Variants in CCDC136 observed in about 807,000 individuals in gnomAD.
CCDC136 encodes coiled-coil domain containing 136.
CCDC136 carries 100 observed loss-of-function variants against 141.2 expected under a neutral mutation model. The observed-to-expected ratio is 0.71, with a 90% confidence interval of 0.60 to 0.84. CCDC136 has a LOEUF of 0.84. CCDC136 is among the 40% of genes least tolerant of loss of function. The pLI is 0.00. For synonymous variants in CCDC136, 474 were observed against 531.9 expected (o/e 0.89, Z 1.50); for missense variants, 1,206 against 1,379.4 (o/e 0.87, Z 1.99).
intron 12 of CCDC136, among the ~76,000 whole-genome samples, chr7:128,810,925 G>T (rs945596830): frequency 3.3e-5 from 5 of 152,170 alleles, no homozygotes; most frequent in Non-Finnish European, 7.3e-5. Context: ...AACAGAGCAA[G>T]GTCACAGGGG....
chr7:128,811,959 C>T lies in CCDC136; in HGVS notation c.2188C>T (p.Leu730Phe), dbSNP rs1266212587. 4 of 1,613,984 alleles carry T rather than the reference C, an allele frequency of 2.5e-6. No homozygotes were observed. The highest frequency in any genetic ancestry group is 1.1e-5 in the South Asian group (1 of 91,076). ...LQLCLEEMQL[L>F]QVQSPSIKMS... ...GCTCTGCCTGGAAGAAATGCAGCTG[C>T]TTCAAGTCCAGTCCCCTTCTATAAA... Residue 730 changes from leucine (L) to phenylalanine (F), a missense_variant, in exon 13 of 18, where the codon CTT becomes TTT. Coordinates refer to ENST00000297788, the MANE Select transcript of CCDC136 (RefSeq NM_022742.5).
chr7:128,797,080 A>G (rs1017721157), intron 3 of CCDC136, among the ~76,000 whole-genome samples: 3 of 152,156 alleles, frequency 2.0e-5, no homozygotes, highest in African/African-American at 7.2e-5. Context: ...GGATTTGCTA[A>G]TGAATTCGAT....
At chr7:128,811,239 A>G (rs1337158584) in intron 12 of CCDC136, 2 of 453,602 alleles carry the variant, frequency 4.4e-6, no homozygotes, top group East Asian at 7.0e-5. Flanking sequence ...AACCAGGTAT[A>G]AAATATTTCC....
upstream of CCDC136, chr7:128,791,440 G>A (rs1438831834): frequency 7.9e-7 from 1 of 1,268,950 alleles, no homozygotes; most frequent in African/African-American, 1.6e-5. The surrounding 1 kb of genome is among the most constrained non-coding windows in gnomAD (Gnocchi z 7.1). Context: ...GGGTCCCCGG[G>A]CTCGCGGCTG....
chr7:128,811,179 T>C, intron 12 of CCDC136: 1 of 404,254 alleles, frequency 2.5e-6, no homozygotes, highest in South Asian at 1.8e-5. Flanking sequence ...CTGGATCATA[T>C]TCCAGGGGCA....
chr7:128,793,445 A>G (rs1398880944), intron 1 of CCDC136, among the ~76,000 whole-genome samples: 6 of 152,200 alleles, frequency 3.9e-5, no homozygotes, highest in African/African-American at 1.4e-4. Context: ...AGAAAATTTC[A>G]AACAGGTATT....
intron 1 of CCDC136, among the ~76,000 whole-genome samples, chr7:128,792,947 A>G (rs1006233408): frequency 6.6e-6 from 1 of 152,126 alleles, no homozygotes; most frequent in Non-Finnish European, 1.5e-5. Context: ...TCCCCACCAC[A>G]CCCATGTGAC....
rs35342890 is a variant in CCDC136 at position 128,799,172 on chromosome 7, TAAAA to T, written c.347-1992_347-1989del. ...CAGAAAGAGACCCCCATCTCTACAT[TAAAA>T]AAAAAAAAAAAAAAAAAAAAAGCAG... On this transcript the variant is annotated intron_variant, in intron 3 of 17. Transcript: ENST00000297788. Among the ~76,000 whole-genome samples the T allele has an allele frequency of 9.7e-5, 5 of 51,324 alleles. No individual in the cohort carries two copies. In the South Asian group the frequency reaches 2.1e-3, roughly 22 times the overall value. The allele number at this position is 51,324 out of a possible 152,430, so 33.7% of individuals were successfully genotyped here.
chr7:128,813,476 T>C lies in CCDC136; in HGVS notation c.2763+547T>C, dbSNP rs139600647. 7.9e-5 allele frequency among the ~76,000 whole-genome samples: 12 copies of C among 152,210 alleles called. 1 individual carries two copies. In the East Asian group the frequency reaches 2.3e-3, roughly 29 times the overall value. On this transcript the variant is annotated intron_variant, in intron 14 of 17. Coordinates refer to ENST00000297788, the MANE Select transcript of CCDC136 (RefSeq NM_022742.5). ...AGAGCAGCGAACACATGGGTCCAGA[T>C]TGGCTAGTATTGGTACCTACTGAGG... is the stretch of plus-strand genomic sequence containing the variant.
chr7:128,807,537 G>GTT lies in CCDC136; in HGVS notation c.1597_1598insTT (p.Ala533ValfsTer12). On this transcript the variant is annotated frameshift_variant, in exon 10 of 18. Coordinates refer to ENST00000297788, the MANE Select transcript of CCDC136 (RefSeq NM_022742.5). LOFTEE classifies it high-confidence loss of function. ...CATTCCGGAGGACAAAGGAAAGTGT[G>GTT]CTAATAAGGTAATTGTCGTTCAGAG... is the stretch of plus-strand genomic sequence containing the variant. The GTT allele has an allele frequency of 6.9e-7, 1 of 1,444,494 alleles. No individual in the cohort carries two copies. The highest frequency in any genetic ancestry group is 9.2e-7 in the Non-Finnish European group (1 of 1,087,232). 89.5% of individuals were successfully genotyped at this position (1,444,494 alleles called of 1,614,324 possible).
In CCDC136 at chr7:128,805,968, C is replaced by A; in HGVS notation, c.1089+67C>A. 6.4e-7 allele frequency: 1 copy of A among 1,574,610 alleles called. No individual in the cohort carries two copies. ...GGCCTCATGGAGGGGCTGCTTCAAC[C>A]GGGGTGGGCACAGTGAGTATGGCTG... On this transcript the variant is annotated intron_variant, in intron 7 of 17. Transcript: ENST00000297788. The surrounding 1 kb of genome is among the most constrained non-coding windows in gnomAD (Gnocchi z 4.6).
At chr7:128,793,067 C>G (rs1431179806) in intron 1 of CCDC136, among the ~76,000 whole-genome samples, 1 of 152,232 alleles carries the variant, frequency 6.6e-6, no homozygotes, top group Non-Finnish European at 1.5e-5. Flanking sequence ...CCTGCTCCCC[C>G]TAAGGGGGAC....
chr7:128,805,315 G>C lies in CCDC136; in HGVS notation c.783-44G>C. 1 of 1,583,946 alleles carries C rather than the reference G, an allele frequency of 6.3e-7. No homozygotes were observed. Among genetic ancestry groups the C allele is most frequent in the Non-Finnish European group, 8.6e-7 (1 of 1,156,572 alleles). On this transcript the variant is annotated intron_variant, in intron 5 of 17. Transcript: ENST00000297788. The surrounding 1 kb of genome is among the most constrained non-coding windows in gnomAD (Gnocchi z 4.6). ...AAAGCCTGCATGGCTGGTGATGCCA[G>C]GCAGAACTCCCTTCAAGCATAGCTC...
Position 128,821,682 on chromosome 7 carries a change from A to AC in CCDC136, c.*6-116dup. 2.8e-6 allele frequency: 2 copies of AC among 718,940 alleles called. No homozygotes were observed. Among genetic ancestry groups the AC allele is most frequent in the Non-Finnish European group, 4.1e-6 (2 of 484,044 alleles). The allele number at this position is 718,940 out of a possible 1,614,324, so 44.5% of individuals were successfully genotyped here. ...ACCTCCACCGGTTACCCAGGAGGTA[A>AC]CAGAGACTGATCCACAATGTTCCTG... On this transcript the variant is annotated intron_variant, in intron 17 of 17. Transcript: ENST00000297788. This position sits in a 1 kb window ranked among gnomAD's most constrained non-coding sequence, Gnocchi z 5.1.
At chr7:128,804,065 C>G (rs938528515) in intron 4 of CCDC136, among the ~76,000 whole-genome samples, 7 of 152,314 alleles carry the variant, frequency 4.6e-5, no homozygotes, top group African/African-American at 1.7e-4. Context: ...ATCTGCCCAC[C>G]TCGGCCTCCC....
intron 3 of CCDC136, among the ~76,000 whole-genome samples, chr7:128,799,004 T>G (rs1306271664): frequency 1.3e-5 from 2 of 151,792 alleles, no homozygotes; most frequent in African/African-American, 4.8e-5. Flanking sequence ...CAAATTTGTC[T>G]TCTTTGAAAG....
At position 128,806,722 on chromosome 7, in the gene CCDC136, A is replaced by G. The variant is rs769024671; in HGVS notation, c.1283A>G (p.Gln428Arg). 17 of 1,611,216 alleles carry G rather than the reference A, an allele frequency of 1.1e-5. No individual in the cohort carries two copies. Among genetic ancestry groups the G allele is most frequent in the Non-Finnish European group, 1.4e-5 (17 of 1,179,432 alleles). The change falls in exon 9 of 18, where the codon CAG (glutamine) becomes CGG (arginine). Residue 428 changes from glutamine to arginine, a missense_variant. By Grantham distance (43) the Gln-to-Arg change is conservative (BLOSUM62 1). Transcript: ENST00000297788. ...TGCCGGCTGCAGAAGCTGCACCTCC[A>G]GCACCAGAACGTCACATGTGAGAAG... ...LLCRLQKLHL[Q>R]HQNVTCEKEK...
intron 14 of CCDC136, among the ~76,000 whole-genome samples, chr7:128,813,235 C>A (rs1806060158): frequency 1.3e-5 from 2 of 152,232 alleles, no homozygotes; most frequent in African/African-American, 2.4e-5. Context: ...CTTCTTTCAT[C>A]ATTTTGTGTG....
At chr7:128,803,357 T>A (rs1804334499) in intron 4 of CCDC136, among the ~76,000 whole-genome samples, 1 of 152,170 alleles carries the variant, frequency 6.6e-6, no homozygotes, top group Admixed American at 6.5e-5. Context: ...GTTTGTATCA[T>A]CACAGCCTTA....
Sources: allele counts gnomAD v4.1 joint callset (sites outside exome capture counted in the v4.1 genomes callset), GRCh38; gene constraint gnomAD v4.1.1; non-coding constraint Gnocchi (gnomAD v3.1); transcripts MANE v1.5; gene names NCBI Gene and HGNC (gene_info 2026-07-23, HGNC 2026-07-21).